Variants in TRAPPC9 observed in about 807,000 individuals in gnomAD.
TRAPPC9 encodes trafficking protein particle complex subunit 9.
In TRAPPC9, 83 loss-of-function variants were observed where a neutral mutation model predicts 124.0. The observed-to-expected ratio is 0.67, with a 90% CI of 0.56 to 0.80. The LOEUF is 0.80. Ranked by LOEUF, TRAPPC9 falls within the 30% of genes least tolerant of loss-of-function variation. The probability of loss-of-function intolerance (pLI) is 0.00; values close to 1 mark genes in which losing one functional copy is unlikely to be tolerated. For synonymous variants in TRAPPC9, 638 were observed against 617.5 expected, an observed-to-expected ratio of 1.03 and a Z score of -0.49; for missense variants, 1,302 against 1,508.3, an observed-to-expected ratio of 0.86 and a Z score of 2.27.
Position 139,732,185 on chromosome 8 carries a change from G to C in TRAPPC9, c.3073C>G (p.Gln1025Glu), listed in dbSNP as rs750078512. Residue 1025 changes from glutamine to glutamate, a missense_variant, in exon 22 of 23, where the codon CAG becomes GAG. Gln to Glu is a conservative substitution (Grantham distance 29). Coordinates refer to ENST00000438773, the MANE Select transcript of TRAPPC9 (RefSeq NM_001160372.4). ...GCCACAGCCTCGCGGTCACATGGCT[G>C]TCCGTCCACCAGCACATCTGTAAGG... ...PLQWDVLVDG[Q>E]PCDREAVAAC... 1 of 1,593,444 alleles carries C rather than the reference G, an allele frequency of 6.3e-7. No homozygotes were observed.
At chr8:140,243,733 T>G (rs971168575) in intron 16 of TRAPPC9, among the ~76,000 whole-genome samples, 33 of 152,294 alleles carry the variant, frequency 2.2e-4, no homozygotes, top group Middle Eastern at 6.8e-3. Context: ...ATCCCCATTT[T>G]TGAAAAAAGC....
At chr8:139,922,139 T>C (rs1250047981) in intron 19 of TRAPPC9, among the ~76,000 whole-genome samples, 1 of 152,086 alleles carries the variant, frequency 6.6e-6, no homozygotes, top group African/African-American at 2.4e-5. Flanking sequence ...TGTTAACTCA[T>C]TTATTTTCAT....
At chr8:140,175,101 G>A (rs1490418779) in intron 17 of TRAPPC9, among the ~76,000 whole-genome samples, 1 of 151,172 alleles carries the variant, frequency 6.6e-6, no homozygotes, top group East Asian at 1.9e-4. Flanking sequence ...GGTGTTGCCT[G>A]GTTTCAGTCG....
At chr8:139,771,144 G>C (rs551508744) in intron 21 of TRAPPC9, among the ~76,000 whole-genome samples, 1 of 152,244 alleles carries the variant, frequency 6.6e-6, no homozygotes, top group East Asian at 1.9e-4. Flanking sequence ...GCAGGGCAGG[G>C]AACTCCTCCT....
At chr8:139,815,255 G>A (rs1824748672) in intron 21 of TRAPPC9, among the ~76,000 whole-genome samples, 1 of 152,210 alleles carries the variant, frequency 6.6e-6, no homozygotes, top group Admixed American at 6.5e-5. Flanking sequence ...CCCTGTGGCA[G>A]AAGGTGCGTG....
chr8:139,763,155 C>T (rs1321153523), intron 21 of TRAPPC9, among the ~76,000 whole-genome samples: 1 of 152,214 alleles, frequency 6.6e-6, no homozygotes, highest in Non-Finnish European at 1.5e-5. Flanking sequence ...TTCCAAGCGA[C>T]TCATTTTTGT....
chr8:139,885,589 G>A (rs1035181547), intron 21 of TRAPPC9, among the ~76,000 whole-genome samples: 1 of 152,228 alleles, frequency 6.6e-6, no homozygotes, highest in Non-Finnish European at 1.5e-5. Flanking sequence ...AAGTCAAGAT[G>A]TAGGCCAAGA....
intron 17 of TRAPPC9, among the ~76,000 whole-genome samples, chr8:140,035,814 G>A (rs1840839954): frequency 6.6e-6 from 1 of 152,136 alleles, no homozygotes; most frequent in African/African-American, 2.4e-5. Flanking sequence ...TGCTCCACGT[G>A]AGCCCACAGC....
chr8:140,371,070 G>T lies in TRAPPC9; in HGVS notation c.1245C>A (p.Cys415Ter). ...CAGGCTCCGCGATGCTTGGGGCCAC[G>T]CACTGCATGGCGGCCACGCGCTTGA... Reference protein sequence around the residue: ...AFFKRVAAMQCVAPSIAEPGW... With the variant: ...AFFKRVAAMQ The change falls in exon 8 of 23, where the codon TGC becomes TGA. Residue 415 changes from cysteine (C) to a stop codon, truncating the protein, a stop_gained. Coordinates refer to ENST00000438773, the MANE Select transcript of TRAPPC9 (RefSeq NM_001160372.4). LOFTEE classifies it high-confidence loss of function. 6.2e-7 allele frequency: 1 copy of T among 1,614,240 alleles called. No homozygotes were observed. The highest frequency in any genetic ancestry group is 1.7e-4 in the Middle Eastern group (1 of 6,060).
chr8:139,936,835 CG>C (rs2131415800), intron 19 of TRAPPC9, among the ~76,000 whole-genome samples: 1 of 27,648 alleles, frequency 3.6e-5, no homozygotes, highest in East Asian at 1.4e-3. Flanking sequence ...AGAGAGTGGG[CG>C]AGTGGGCACT....
intron 6 of TRAPPC9, among the ~76,000 whole-genome samples, chr8:140,405,091 G>A (rs961631072): frequency 5.3e-5 from 8 of 152,074 alleles, no homozygotes; most frequent in African/African-American, 1.9e-4. Context: ...CAGTATTTTA[G>A]TAAGTACATT....
At chr8:139,841,154 C>T (rs1485294115) in intron 21 of TRAPPC9, among the ~76,000 whole-genome samples, 1 of 152,192 alleles carries the variant, frequency 6.6e-6, no homozygotes, top group African/African-American at 2.4e-5. Flanking sequence ...CCCACATCCC[C>T]TCGCCCCCGG....
At chr8:139,746,986 C>T (rs1818938782) in intron 21 of TRAPPC9, among the ~76,000 whole-genome samples, 1 of 152,158 alleles carries the variant, frequency 6.6e-6, no homozygotes. Flanking sequence ...TGAAGATAAA[C>T]CAGAAGAAAA....
rs762399373 is a variant in TRAPPC9, at chr8:140,397,779, AAG to A, written c.1009-36_1009-35del. 8 of 1,612,650 alleles carry A rather than the reference AAG, an allele frequency of 5.0e-6. No individual in the cohort carries two copies. In the East Asian group the frequency reaches 1.6e-4, roughly 31 times the overall value. ...TGTAAAGGAAATGCCTCAGTCAAAAAAGAGTTCAGATGTTTCTGTCACATTCT... is the reference window on the plus strand; with the variant it reads ...TGTAAAGGAAATGCCTCAGTCAAAAAAGTTCAGATGTTTCTGTCACATTCT... On this transcript the variant is annotated intron_variant, in intron 6 of 22. Coordinates refer to ENST00000438773, the MANE Select transcript of TRAPPC9 (RefSeq NM_001160372.4).
chr8:139,928,243 G>A (rs181028976), intron 19 of TRAPPC9, among the ~76,000 whole-genome samples: 8 of 152,314 alleles, frequency 5.3e-5, no homozygotes, highest in Non-Finnish European at 1.0e-4. Flanking sequence ...TATAATCCCA[G>A]CACTTTGGGA....
At chr8:140,098,344 C>G (rs1322530915) in intron 17 of TRAPPC9, 1 of 150,704 alleles carries the variant, frequency 6.6e-6, no homozygotes, top group African/African-American at 2.4e-5. Context: ...GCTTCAGCAG[C>G]GGCGCAATCC....
chr8:140,179,227 T>C (rs535971134), intron 17 of TRAPPC9, among the ~76,000 whole-genome samples: 42 of 152,294 alleles, frequency 2.8e-4, no homozygotes, highest in African/African-American at 6.5e-4. Context: ...CAAATTTCCA[T>C]TGAGGCAATG....
intron 10 of TRAPPC9, among the ~76,000 whole-genome samples, chr8:140,301,456 G>A (rs527539219): frequency 1.3e-5 from 2 of 152,266 alleles, no homozygotes; most frequent in East Asian, 3.9e-4. Flanking sequence ...CACGCAAGAG[G>A]GACTAAGTAT....
At chr8:140,333,359 GTAGATA>G (rs1425417708) in intron 9 of TRAPPC9, among the ~76,000 whole-genome samples, 2 of 151,892 alleles carry the variant, frequency 1.3e-5, no homozygotes, top group Non-Finnish European at 2.9e-5. Flanking sequence ...AGATATAGAT[GTAGATA>G]TAGATATAGA....
Sources: gnomAD v4.1 joint callset for allele counts (sites outside exome capture counted in the v4.1 genomes callset) on GRCh38, gnomAD v4.1.1 for gene constraint, MANE v1.5 for transcripts, NCBI Gene and HGNC (gene_info 2026-07-23, HGNC 2026-07-21) for gene names.